GDA: variants seen among roughly 807,000 people sequenced by gnomAD.
GDA encodes the protein guanine deaminase, also known as cytoplasmic PSD-95 interactor.
GDA carries 18 observed loss-of-function variants against 59.6 expected under a neutral mutation model. The observed-to-expected ratio is 0.30, with a 90% CI of 0.21 to 0.45. The LOEUF (loss-of-function observed/expected upper bound fraction) is 0.45, where lower values mean the gene tolerates loss of function less well. Ranked by LOEUF, GDA falls within the 20% of genes least tolerant of loss-of-function variation. The pLI, the probability that GDA is intolerant of heterozygous loss-of-function variation, is 1.00. For missense variants in GDA, 427 were observed against 552.3 expected (o/e 0.77, Z 2.27); for synonymous variants, 201 against 201.1 (o/e 1.00, Z 0.00).
At chr9:72,141,768 A>G (rs934178931) in intron 1 of GDA, among the ~76,000 whole-genome samples, 1 of 152,170 alleles carries the variant, frequency 6.6e-6, no homozygotes, top group African/African-American at 2.4e-5. Context: ...TAACCTTGGG[A>G]AAAACCAATC....
chr9:72,119,244 C>T lies in GDA; in HGVS notation c.-100+4411C>T, dbSNP rs555986328. Reference sequence around the variant, plus strand: ...TTTGGGCCAGGCGCAGCGGCTCACACCTGCAATCCCAGCACTTCAGGAGGC... The same window carrying T: ...TTTGGGCCAGGCGCAGCGGCTCACATCTGCAATCCCAGCACTTCAGGAGGC... On this transcript the variant is annotated intron_variant, in intron 1 of 13. Coordinates refer to the GDA transcript ENST00000545168. 7.2e-5 allele frequency among the ~76,000 whole-genome samples: 11 copies of T among 152,322 alleles called. No individual in the cohort carries two copies. In the South Asian group the frequency reaches 2.1e-3, roughly 29 times the overall value.
intron 2 of GDA, 49 bp downstream of exon 2, chr9:72,195,637 A>G (rs1203141587): frequency 1.4e-6 from 1 of 739,904 alleles, no homozygotes; most frequent in Non-Finnish European, 2.3e-6. Flanking sequence ...ATAAGCTTAA[A>G]TTATAGAAAA....
At chr9:72,167,183 A>G (rs1341357490) in intron 1 of GDA, among the ~76,000 whole-genome samples, 1 of 152,144 alleles carries the variant, frequency 6.6e-6, no homozygotes, top group Non-Finnish European at 1.5e-5. Flanking sequence ...AAGAACTGAA[A>G]CTAACCAGAT....
chr9:72,230,683 A>G (rs1253012247), intron 9 of GDA, among the ~76,000 whole-genome samples: 2 of 151,902 alleles, frequency 1.3e-5, no homozygotes, highest in Admixed American at 6.6e-5. Flanking sequence ...TTCGATCTTA[A>G]AGTCACTACT....
At chr9:72,179,769 A>G (rs1426545190) in intron 1 of GDA, among the ~76,000 whole-genome samples, 1 of 152,150 alleles carries the variant, frequency 6.6e-6, no homozygotes, top group Non-Finnish European at 1.5e-5. Flanking sequence ...ACTTTGAGAG[A>G]AGGATCTGTT....
intron 1 of GDA, among the ~76,000 whole-genome samples, chr9:72,151,742 G>A (rs904020938): frequency 1.3e-5 from 2 of 151,726 alleles, no homozygotes; most frequent in Admixed American, 1.3e-4. Flanking sequence ...CGAGTAGCTG[G>A]GACTACAGGC....
intron 1 of GDA, among the ~76,000 whole-genome samples, chr9:72,116,181 C>T (rs1263585670): frequency 6.6e-6 from 1 of 151,694 alleles, no homozygotes; most frequent in Non-Finnish European, 1.5e-5. Flanking sequence ...TTGCGGTGAG[C>T]CGAGATCATG....
At chr9:72,234,505 T>C (rs911258478) in intron 10 of GDA, among the ~76,000 whole-genome samples, 1 of 152,128 alleles carries the variant, frequency 6.6e-6, no homozygotes, top group African/African-American at 2.4e-5. Context: ...AAATCAGTGA[T>C]GTGAGAATAA....
At position 72,195,775 on chromosome 9, in the gene GDA, TAGAG is replaced by T. The variant is rs556773854; in HGVS notation, c.212+190_212+193del. On this transcript the variant is annotated intron_variant, in intron 2 of 13. Transcript: ENST00000358399. Reference sequence around the variant, plus strand: ...TACAGGAAGCTGAAGGATGGAAACTTAGAGAGCTAGAGGCTGCCATCATTCATCA... The same window carrying T: ...TACAGGAAGCTGAAGGATGGAAACTTAGCTAGAGGCTGCCATCATTCATCA... Among the ~76,000 whole-genome samples the T allele has an allele frequency of 2.0e-5, 3 of 152,308 alleles. No homozygotes were observed. The East Asian group carries it at 5.8e-4, about 29-fold the overall frequency.
At chr9:72,241,336 A>G in intron 11 of GDA, 38 bp downstream of exon 11, 3 of 1,481,716 alleles carry the variant, frequency 2.0e-6, no homozygotes, top group South Asian at 1.3e-5. Flanking sequence ...ACAATATACA[A>G]CCATGCTGAT....
At chr9:72,134,301 G>A (rs1219819998) in intron 1 of GDA, among the ~76,000 whole-genome samples, 1 of 152,092 alleles carries the variant, frequency 6.6e-6, no homozygotes, top group East Asian at 1.9e-4. Context: ...AAGGTACTAT[G>A]CCTGCTCTAA....
intron 1 of GDA, among the ~76,000 whole-genome samples, chr9:72,133,515 T>C (rs890281197): frequency 2.6e-5 from 4 of 152,070 alleles, no homozygotes; most frequent in Non-Finnish European, 5.9e-5. Context: ...CTTTGTTCTT[T>C]GGGAATGTCG....
chr9:72,223,061 G>A (rs1230526124), intron 6 of GDA, 59 bp from the exon 7 acceptor site: 3 of 882,820 alleles, frequency 3.4e-6, no homozygotes, highest in Non-Finnish European at 5.6e-6. Flanking sequence ...AATCCATCTT[G>A]AGTTAATTTT....
At chr9:72,242,008 C>T (rs1484434046) in intron 11 of GDA, among the ~76,000 whole-genome samples, 2 of 152,146 alleles carry the variant, frequency 1.3e-5, no homozygotes, top group African/African-American at 4.8e-5. Context: ...TAAGCTCTTC[C>T]CCTGTGATAA....
intron 1 of GDA, among the ~76,000 whole-genome samples, chr9:72,117,073 A>G (rs905197534): frequency 1.4e-4 from 22 of 152,144 alleles, no homozygotes; most frequent in Admixed American, 2.6e-4. Flanking sequence ...GATGGTTTCC[A>G]GCTTCATCCT....
At position 72,231,156 on chromosome 9, in the gene GDA, T is replaced by C; in HGVS notation, c.963T>C (p.His321=). 1 of 1,592,780 alleles carries C rather than the reference T, an allele frequency of 6.3e-7. No homozygotes were observed. Among genetic ancestry groups the C allele is most frequent in the Non-Finnish European group, 8.6e-7 (1 of 1,160,674 alleles). ...GFLNVLEVLK[H]EVKIGLGTDV... ...TAAATGTGCTAGAAGTCCTGAAACA[T>C]GAAGTCAAGATAGGGCTGGGTACAG... The change falls in exon 10 of 14, where the codon CAT becomes CAC. Residue 321 remains histidine, a synonymous_variant. Transcript: ENST00000358399.
intron 1 of GDA, among the ~76,000 whole-genome samples, chr9:72,166,802 C>T (rs1829367922): frequency 6.6e-6 from 1 of 152,290 alleles, no homozygotes; most frequent in African/African-American, 2.4e-5. Flanking sequence ...TTACCATACT[C>T]ATCATTTCCT....
At chr9:72,198,168 G>A (rs1017058416) in intron 2 of GDA, among the ~76,000 whole-genome samples, 2 of 152,148 alleles carry the variant, frequency 1.3e-5, no homozygotes, top group African/African-American at 2.4e-5. Context: ...GCCGAGGCAG[G>A]CGGATCACTT....
chr9:72,204,364 A>G lies in GDA; in HGVS notation c.384+1622A>G, dbSNP rs549973991. Among the ~76,000 whole-genome samples the G allele has an allele frequency of 3.3e-4, 50 of 152,362 alleles. 1 individual carries two copies. In the Middle Eastern group the frequency reaches 0.01, roughly 31 times the overall value. The stretch of plus-strand genomic sequence containing the variant: ...ATAGCTGAAAATTGCGTAGTATACA[A>G]CAAAAGAAAATGAGTCATGATATCA... On this transcript the variant is annotated intron_variant, in intron 3 of 13. Coordinates refer to ENST00000358399, the MANE Select transcript of GDA (RefSeq NM_004293.5).
Sources: allele counts gnomAD v4.1 joint callset (sites outside exome capture counted in the v4.1 genomes callset), GRCh38; gene constraint gnomAD v4.1.1; transcripts MANE v1.5; gene names NCBI Gene and HGNC (gene_info 2026-07-23, HGNC 2026-07-21).